The following HMG20A variants were observed in gnomAD, a reference collection of about 807,000 sequenced individuals.
HMG20A encodes high mobility group 20A.
In HMG20A, 17 loss-of-function variants were observed where a neutral mutation model predicts 43.9. That is an observed-to-expected ratio of 0.39 (90% confidence interval 0.27 to 0.58). The LOEUF is 0.58. HMG20A is among the 20% of genes least tolerant of loss of function. HMG20A has a pLI of 0.59. For missense variants in HMG20A, 341 were observed against 438.2 expected (o/e 0.78, Z 1.98); for synonymous variants, 132 against 147.5 (o/e 0.89, Z 0.76).
At chr15:77,446,071 G>A (rs930972726) in intron 1 of HMG20A, among the ~76,000 whole-genome samples, 1 of 152,108 alleles carries the variant, frequency 6.6e-6, no homozygotes, top group African/African-American at 2.4e-5. Context: ...GTATGAATCT[G>A]GATTTTCAAA....
downstream of HMG20A, among the ~76,000 whole-genome samples, chr15:77,487,397 T>A (rs2072951109): frequency 6.6e-6 from 1 of 152,226 alleles, no homozygotes. Flanking sequence ...TGCTAGTGAA[T>A]GGAGTGCATT....
At chr15:77,510,025 A>T in the HMG20A span, among the ~76,000 whole-genome samples, 1 of 151,992 alleles carries the variant, frequency 6.6e-6, no homozygotes, top group Admixed American at 6.6e-5. Context: ...AGGGTTTCCC[A>T]TCATCCTTAC....
At chr15:77,508,525 C>T in the HMG20A span, among the ~76,000 whole-genome samples, 1 of 152,188 alleles carries the variant, frequency 6.6e-6, no homozygotes, top group South Asian at 2.1e-4. Flanking sequence ...TCCAAGTGTA[C>T]GCGGCTGGTC....
the HMG20A span, among the ~76,000 whole-genome samples, chr15:77,504,952 C>T: frequency 6.6e-6 from 1 of 152,152 alleles, no homozygotes; most frequent in Non-Finnish European, 1.5e-5. Context: ...GGGATTTTAG[C>T]GTCCTTGGGG....
chr15:77,438,309 C>T (rs2073572629), intron 1 of HMG20A, among the ~76,000 whole-genome samples: 1 of 151,652 alleles, frequency 6.6e-6, no homozygotes, highest in African/African-American at 2.4e-5. Context: ...TACATAAGGG[C>T]CCTACAAAGA....
chr15:77,500,661 C>T, the HMG20A span, among the ~76,000 whole-genome samples: 36 of 151,834 alleles, frequency 2.4e-4, no homozygotes, highest in Non-Finnish European at 4.4e-4. Flanking sequence ...CTCCGCCTCC[C>T]GAGTTCAAGC....
At chr15:77,457,713 G>T (rs1202665891) in intron 1 of HMG20A, among the ~76,000 whole-genome samples, 3 of 152,076 alleles carry the variant, frequency 2.0e-5, no homozygotes, top group Non-Finnish European at 2.9e-5. Flanking sequence ...TTCTGCTCTT[G>T]GTTATGATGG....
chr15:77,514,087 T>C, the HMG20A span, among the ~76,000 whole-genome samples: 1 of 152,172 alleles, frequency 6.6e-6, no homozygotes, highest in Non-Finnish European at 1.5e-5. Context: ...TGTCTCCAAA[T>C]ACAGACACAT....
At chr15:77,516,264 A>C in the HMG20A span, among the ~76,000 whole-genome samples, 1 of 152,198 alleles carries the variant, frequency 6.6e-6, no homozygotes, top group Non-Finnish European at 1.5e-5. Flanking sequence ...CAACGATGGC[A>C]TGCATAGTCA....
chr15:77,516,195 G>A, the HMG20A span, among the ~76,000 whole-genome samples: 36 of 152,270 alleles, frequency 2.4e-4, no homozygotes, highest in East Asian at 4.8e-3. Context: ...CTTTTACACC[G>A]TGGCAAAACA....
downstream of HMG20A, among the ~76,000 whole-genome samples, chr15:77,489,214 CCATAG>C (rs2072960133): frequency 6.6e-6 from 1 of 152,118 alleles, no homozygotes; most frequent in Non-Finnish European, 1.5e-5. Flanking sequence ...CAGACATATA[CCATAG>C]GCCACTCTGC....
At chr15:77,462,766 CT>C (rs1303920081) in intron 2 of HMG20A, among the ~76,000 whole-genome samples, 7 of 144,322 alleles carry the variant, frequency 4.9e-5, no homozygotes, top group Admixed American at 2.8e-4. Context: ...TTTTCTTTTT[CT>C]TTTTCTTTTT....
At chr15:77,443,726 G>C (rs1026908077) in intron 1 of HMG20A, among the ~76,000 whole-genome samples, 1 of 151,022 alleles carries the variant, frequency 6.6e-6, no homozygotes, top group African/African-American at 2.4e-5. Context: ...TTATTATTAC[G>C]ACAGGGTCTC....
At chr15:77,462,298 A>G (rs374586930) in intron 2 of HMG20A, among the ~76,000 whole-genome samples, 1 of 152,138 alleles carries the variant, frequency 6.6e-6, no homozygotes, top group Admixed American at 6.6e-5. Flanking sequence ...GGCCTCTGCA[A>G]TCGTCTTCTC....
chr15:77,504,923 A>T, the HMG20A span, among the ~76,000 whole-genome samples: 1 of 152,142 alleles, frequency 6.6e-6, no homozygotes, highest in African/African-American at 2.4e-5. Context: ...GGGCCATGAC[A>T]TGTCTGCTGT....
chr15:77,483,759 T>C lies in HMG20A; in HGVS notation c.*796T>C, dbSNP rs540623834. Reference sequence around the variant, plus strand: ...AGTCCCAGCCCCAGCAAGGCTCTTCTGTTCCCATCTGTTGACAATGTCTTG... The same window carrying C: ...AGTCCCAGCCCCAGCAAGGCTCTTCCGTTCCCATCTGTTGACAATGTCTTG... On this transcript the variant is annotated 3_prime_UTR_variant, in exon 10 of 10. Transcript: ENST00000336216. 2 of 152,818 alleles carry C rather than the reference T, an allele frequency of 1.3e-5. No homozygotes were observed. The highest frequency in any genetic ancestry group is 1.3e-4 in the Admixed American group (2 of 15,304). The allele number at this position is 152,818 out of a possible 1,614,324, so 9.5% of individuals were successfully genotyped here. A position where few individuals can be genotyped will look rare whatever the true frequency, so the allele number is the denominator to read the frequency against.
chr15:77,506,707 G>A, the HMG20A span, among the ~76,000 whole-genome samples: 6 of 152,242 alleles, frequency 3.9e-5, no homozygotes, highest in African/African-American at 9.6e-5. Context: ...CGGTTTTCAC[G>A]CCTGCGGAAT....
At chr15:77,442,681 G>A (rs1454008834) in intron 1 of HMG20A, among the ~76,000 whole-genome samples, 1 of 152,068 alleles carries the variant, frequency 6.6e-6, no homozygotes, top group East Asian at 1.9e-4. Flanking sequence ...GCATCTTTCA[G>A]CAATAAGCTA....
At chr15:77,495,723 G>C in the HMG20A span, among the ~76,000 whole-genome samples, 2 of 152,120 alleles carry the variant, frequency 1.3e-5, no homozygotes, top group East Asian at 3.8e-4. Flanking sequence ...CTCAAATGAG[G>C]ACAATTGCCT....
Sources: allele counts gnomAD v4.1 joint callset (sites outside exome capture counted in the v4.1 genomes callset), GRCh38; gene constraint gnomAD v4.1.1; transcripts MANE v1.5; gene names NCBI Gene and HGNC (gene_info 2026-07-23, HGNC 2026-07-21).